The following PTCHD4 variants were observed in gnomAD, a reference collection of about 807,000 sequenced individuals.
PTCHD4 encodes patched domain-containing protein 4.
A neutral mutation model predicts 58.1 loss-of-function variants in PTCHD4; 33 were observed. That is an observed-to-expected ratio of 0.57 (90% CI 0.43 to 0.76). The LOEUF (loss-of-function observed/expected upper bound fraction) is 0.76, where lower values mean the gene tolerates loss of function less well. PTCHD4 is among the 30% of genes least tolerant of loss of function. The probability of loss-of-function intolerance (pLI) is 0.00; values close to 1 mark genes in which losing one functional copy is unlikely to be tolerated. For synonymous variants in PTCHD4, 478 were observed against 409.6 expected, an observed-to-expected ratio of 1.17 and a Z score of -2.02; for missense variants, 1,058 against 1,027.1, an observed-to-expected ratio of 1.03 and a Z score of -0.41.
intron 4 of PTCHD4, among the ~76,000 whole-genome samples, chr6:47,915,072 A>G (rs10807383): frequency 0.57 from 86,233 of 151,826 alleles, 25,752 homozygotes; most frequent in East Asian, 0.78. Context: ...AAACATCCAT[A>G]TTGAAAGGTC....
At chr6:47,894,558 T>C (rs143385097) in intron 4 of PTCHD4, among the ~76,000 whole-genome samples, 9 of 152,382 alleles carry the variant, frequency 5.9e-5, no homozygotes, top group Non-Finnish European at 1.0e-4. Flanking sequence ...AGATAATCTG[T>C]ATAATGTGCC....
At chr6:47,930,811 T>G (rs894694927) in intron 4 of PTCHD4, among the ~76,000 whole-genome samples, 1 of 152,224 alleles carries the variant, frequency 6.6e-6, no homozygotes, top group Non-Finnish European at 1.5e-5. Context: ...TATTATTTTT[T>G]GAGATGGAGT....
rs1763552692 is a variant in PTCHD4 at position 47,865,936 on chromosome 6, G to A, written c.*12367C>T. Among the ~76,000 whole-genome samples the A allele has an allele frequency of 2.0e-5, 3 of 151,830 alleles. No individual in the cohort carries two copies. Among genetic ancestry groups the A allele is most frequent in the Admixed American group, 1.3e-4 (2 of 15,220 alleles). On this transcript the variant is annotated 3_prime_UTR_variant, in exon 5 of 5. Transcript: ENST00000339488. Reference sequence around the variant, plus strand: ...TGTACCCTCAAGCTAAATTGAGTTCGTTGACCCAGGAACATATTCTGTGCT... The same window carrying A: ...TGTACCCTCAAGCTAAATTGAGTTCATTGACCCAGGAACATATTCTGTGCT...
chr6:48,078,800 T>C (rs975375660), intron 1 of PTCHD4, among the ~76,000 whole-genome samples: 1 of 152,174 alleles, frequency 6.6e-6, no homozygotes, highest in African/African-American at 2.4e-5. Context: ...CCAGAATATA[T>C]TTCTCTCTTA....
At chr6:48,037,501 A>G (rs938522825) in intron 3 of PTCHD4, among the ~76,000 whole-genome samples, 1 of 152,166 alleles carries the variant, frequency 6.6e-6, no homozygotes, top group African/African-American at 2.4e-5. Flanking sequence ...GAAAGGAAGT[A>G]TGCACAGATT....
At chr6:47,928,997 C>A (rs915276092) in intron 4 of PTCHD4, among the ~76,000 whole-genome samples, 1 of 152,082 alleles carries the variant, frequency 6.6e-6, no homozygotes, top group Admixed American at 6.5e-5. Flanking sequence ...CTAGCCACAT[C>A]TGAGGTATAG....
rs558190805 is a variant in PTCHD4 at position 47,870,443 on chromosome 6, T to G, written c.*7860A>C. On this transcript the variant is annotated 3_prime_UTR_variant, in exon 5 of 5. Coordinates refer to ENST00000339488, the MANE Select transcript of PTCHD4 (RefSeq NM_001384253.1). ...TAATTATTAAATGTGTGTTTACACA[T>G]GCAAATCTATGGGAAATAATTTGTT... is the stretch of plus-strand genomic sequence containing the variant. Among the ~76,000 whole-genome samples, 1 of 151,818 alleles carries G rather than the reference T, an allele frequency of 6.6e-6. No individual in the cohort carries two copies. Among genetic ancestry groups the G allele is most frequent in the African/African-American group, 2.4e-5 (1 of 41,522 alleles).
chr6:47,950,026 C>T (rs1014333625), intron 4 of PTCHD4, among the ~76,000 whole-genome samples: 5 of 136,586 alleles, frequency 3.7e-5, no homozygotes, highest in African/African-American at 1.3e-4. Context: ...GCTATCTCTT[C>T]CCCCTCCCCC....
intron 4 of PTCHD4, among the ~76,000 whole-genome samples, chr6:48,006,142 A>G (rs747520691): frequency 6.6e-6 from 1 of 152,226 alleles, no homozygotes; most frequent in Non-Finnish European, 1.5e-5. Context: ...AATTGCAGAA[A>G]TACTTCAGAG....
intron 4 of PTCHD4, among the ~76,000 whole-genome samples, chr6:47,912,792 C>T (rs1297600862): frequency 2.0e-5 from 3 of 151,936 alleles, no homozygotes; most frequent in South Asian, 2.1e-4. Context: ...GGCTTTGTTC[C>T]AAGAGCAGCA....
intron 3 of PTCHD4, among the ~76,000 whole-genome samples, chr6:48,050,338 C>G (rs773302584): frequency 1.2e-4 from 19 of 152,014 alleles, no homozygotes; most frequent in Admixed American, 8.5e-4. Flanking sequence ...TTTGATGATA[C>G]AGTAAATCCT....
Position 47,869,740 on chromosome 6 carries a change from A to G in PTCHD4, c.*8563T>C, listed in dbSNP as rs1051298869. On this transcript the variant is annotated 3_prime_UTR_variant, in exon 5 of 5. Coordinates refer to ENST00000339488, the MANE Select transcript of PTCHD4 (RefSeq NM_001384253.1). ...TGTTTAAAGGATAAAAAATTACATT[A>G]TAAGTTTTAGAACTTGTGATTCAAT... Among the ~76,000 whole-genome samples the G allele has an allele frequency of 4.6e-5, 7 of 151,734 alleles. No individual in the cohort carries two copies. The highest frequency in any genetic ancestry group is 1.7e-4 in the African/African-American group (7 of 41,390).
intron 1 of PTCHD4, among the ~76,000 whole-genome samples, chr6:48,098,841 C>G (rs914882641): frequency 8.5e-5 from 13 of 152,090 alleles, no homozygotes; most frequent in African/African-American, 3.1e-4. Flanking sequence ...TAAGAATTAT[C>G]ATCAAATATA....
At chr6:48,063,499 T>C (rs997304136) in intron 3 of PTCHD4, among the ~76,000 whole-genome samples, 1 of 152,156 alleles carries the variant, frequency 6.6e-6, no homozygotes, top group Non-Finnish European at 1.5e-5. Context: ...AATATTGTAT[T>C]GTGGTTAAGA....
intron 4 of PTCHD4, among the ~76,000 whole-genome samples, chr6:47,994,468 G>A (rs1768403593): frequency 6.6e-6 from 1 of 152,146 alleles, no homozygotes; most frequent in African/African-American, 2.4e-5. Context: ...GTCTAGCATG[G>A]GAAGTGATGA....
At chr6:47,943,945 C>T (rs756294377) in intron 4 of PTCHD4, among the ~76,000 whole-genome samples, 90 of 151,942 alleles carry the variant, frequency 5.9e-4, no homozygotes, top group Admixed American at 1.1e-3. Context: ...TTTTTAAACA[C>T]TTTTTTTGAT....
Position 48,069,013 on chromosome 6 carries a change from C to T in PTCHD4, c.-56G>A, listed in dbSNP as rs1582108252. 6.6e-6 allele frequency among the ~76,000 whole-genome samples: 1 copy of T among 150,946 alleles called. No homozygotes were observed. Among genetic ancestry groups the T allele is most frequent in the Non-Finnish European group, 1.5e-5 (1 of 67,724 alleles). On this transcript the variant is annotated 5_prime_UTR_variant, in exon 2 of 5. Transcript: ENST00000339488. ...CTCGGTGCTGCAGTCCCCTGGCCTC[C>T]CTCGCTGGAGGTGGTTCCGTGTGGA...
In PTCHD4 at chr6:47,864,930, T is replaced by C. The variant is rs902561349; in HGVS notation, c.*13373A>G. 6.6e-6 allele frequency among the ~76,000 whole-genome samples: 1 copy of C among 151,674 alleles called. No homozygotes were observed. Among genetic ancestry groups the C allele is most frequent in the Non-Finnish European group, 1.5e-5 (1 of 67,822 alleles). On this transcript the variant is annotated 3_prime_UTR_variant, in exon 5 of 5. Transcript: ENST00000339488. ...ACATTGCAATACTACATCTTTATGG[T>C]AGAATAAAAGCATGTGCCTTATACA...
Position 48,048,398 on chromosome 6 carries a change from C to T in PTCHD4, c.417+19832G>A, listed in dbSNP as rs190820502. 9.3e-4 allele frequency among the ~76,000 whole-genome samples: 141 copies of T among 152,044 alleles called. 1 individual carries two copies. Among genetic ancestry groups the T allele is most frequent in the African/African-American group, 3.2e-3 (134 of 41,526 alleles). ...AATATTTTTTAGAAAGTTCAAAATA[C>T]TTCACTTGAAAAATGAACTGTCTGC... On this transcript the variant is annotated intron_variant, in intron 3 of 4. Transcript: ENST00000339488.
Sources: allele counts gnomAD v4.1 joint callset (sites outside exome capture counted in the v4.1 genomes callset), GRCh38; gene constraint gnomAD v4.1.1; transcripts MANE v1.5; gene names NCBI Gene and HGNC (gene_info 2026-07-23, HGNC 2026-07-21).